TMEM236: variants seen among roughly 807,000 people sequenced by gnomAD.
The protein encoded by TMEM236 is family with sequence similarity 23, member A.
Under a neutral mutation model 14.7 loss-of-function variants are expected in TMEM236, and 11 were observed. The ratio of observed to expected loss-of-function variants is 0.75; its 90% CI spans 0.47 to 1.24. TMEM236 has a LOEUF of 1.24. TMEM236 is among the 50% of genes most tolerant of loss of function. The probability of loss-of-function intolerance (pLI) is 0.00; values close to 1 mark genes in which losing one functional copy is unlikely to be tolerated. For missense variants in TMEM236, 464 were observed against 427.3 expected (o/e 1.09, Z -0.76); for synonymous variants, 182 against 168.6 (o/e 1.08, Z -0.62).
At chr10:17,789,736 G>T (rs1837892265) in intron 3 of TMEM236, among the ~76,000 whole-genome samples, 2 of 151,866 alleles carry the variant, frequency 1.3e-5, no homozygotes, top group African/African-American at 4.8e-5. Flanking sequence ...TAAAAAATGA[G>T]CCAGGGCCGG....
rs1838040634 is a variant in TMEM236 at position 17,797,794 on chromosome 10, T to A, written c.*1290T>A. ...TACTGAAGTACTAATATGAGTGTTG[T>A]TTAGTATAATGAAGTCAAGGTACAT... On this transcript the variant is annotated 3_prime_UTR_variant, in exon 4 of 4. Coordinates refer to ENST00000377495, the MANE Select transcript of TMEM236 (RefSeq NM_001098844.3). 6.6e-6 allele frequency: 1 copy of A among 152,180 alleles called. No individual in the cohort carries two copies. Among genetic ancestry groups the A allele is most frequent in the South Asian group, 2.1e-4 (1 of 4,830 alleles). The allele number at this position is 152,180 out of a possible 1,614,324, so 9.4% of individuals were successfully genotyped here. A position where few individuals can be genotyped will look rare whatever the true frequency, so the allele number is the denominator to read the frequency against.
rs1838082067 is a variant in TMEM236 at position 17,800,801 on chromosome 10, G to C, written c.*4297G>C. 6.6e-6 allele frequency: 1 copy of C among 152,168 alleles called. No individual in the cohort carries two copies. Among genetic ancestry groups the C allele is most frequent in the African/African-American group, 2.4e-5 (1 of 41,440 alleles). The allele number at this position is 152,168 out of a possible 1,614,324, so 9.4% of individuals were successfully genotyped here. On this transcript the variant is annotated 3_prime_UTR_variant, in exon 4 of 4. Coordinates refer to ENST00000377495, the MANE Select transcript of TMEM236 (RefSeq NM_001098844.3). The stretch of plus-strand genomic sequence containing the variant: ...AATAATAGAAGAAAAAAATGAAATG[G>C]CTAAAGACATTTTGTTTTACAATGG...
chr10:17,795,808 A>T, intron 3 of TMEM236, 113 bp from the exon 4 acceptor site: 2 of 1,133,584 alleles, frequency 1.8e-6, no homozygotes, highest in Non-Finnish European at 2.5e-6. Context: ...TAAGTGAAAA[A>T]CAAAAGAATA....
intron 3 of TMEM236, among the ~76,000 whole-genome samples, chr10:17,791,987 C>T (rs1206499737): frequency 6.6e-6 from 1 of 152,182 alleles, no homozygotes; most frequent in Non-Finnish European, 1.5e-5. Flanking sequence ...TCATTACAGG[C>T]AGTTGGGAGT....
At chr10:17,795,169 G>C (rs1837990716) in intron 3 of TMEM236, among the ~76,000 whole-genome samples, 2 of 152,162 alleles carry the variant, frequency 1.3e-5, no homozygotes, top group Admixed American at 6.5e-5. Flanking sequence ...GACAAAGTTG[G>C]ATTGGGGGAC....
At chr10:17,786,574 C>A (rs1049951355) in intron 3 of TMEM236, among the ~76,000 whole-genome samples, 1 of 152,180 alleles carries the variant, frequency 6.6e-6, no homozygotes, top group Non-Finnish European at 1.5e-5. Context: ...ATAGTAAGGT[C>A]CTATCTAGAA....
chr10:17,752,430 A>G lies in TMEM236; in HGVS notation c.135A>G (p.Thr45=). ...YQGTRARSDN[T]HYWLIISCSI... ...GAACAAGGGCTAGATCTGACAACAC[A>G]CACTACTGGCTGATCATCTCCTGTT... is the stretch of plus-strand genomic sequence containing the variant. Residue 45 remains threonine, a synonymous_variant, in exon 1 of 4, where the codon ACA becomes ACG. Coordinates refer to ENST00000377495, the MANE Select transcript of TMEM236 (RefSeq NM_001098844.3). 6.2e-7 allele frequency: 1 copy of G among 1,613,956 alleles called. No individual in the cohort carries two copies. The highest frequency in any genetic ancestry group is 8.5e-7 in the Non-Finnish European group (1 of 1,179,862).
Position 17,757,010 on chromosome 10 carries a change from C to T in TMEM236, c.257+4458C>T, listed in dbSNP as rs966745351. On this transcript the variant is annotated intron_variant, in intron 1 of 3. Transcript: ENST00000377495. ...TTCCAGTCTTTAGTTTCTGTTTTGC[C>T]GGTGTTGCTGGCCACACGTGTTTTA... Among the ~76,000 whole-genome samples, 1,296 of 152,244 alleles carry T rather than the reference C, an allele frequency of 8.5e-3. 4 individuals are homozygous for T. The highest frequency in any genetic ancestry group is 0.013 in the Non-Finnish European group (909 of 68,024).
Position 17,796,377 on chromosome 10 carries a change from T to A in TMEM236, c.929T>A (p.Ile310Asn). Reference protein sequence around the residue: ...PFVFVRLGLIIALGTITPVLG... With the variant: ...PFVFVRLGLINALGTITPVLG... ...GTTTTTGTTAGACTTGGTTTAATCA[T>A]TGCCCTGGGGACTATCACACCCGTA... Residue 310 changes from isoleucine (I) to asparagine (N), a missense_variant, in exon 4 of 4, where the codon ATT becomes AAT. Coordinates refer to ENST00000377495, the MANE Select transcript of TMEM236 (RefSeq NM_001098844.3). The A allele has an allele frequency of 6.2e-7, 1 of 1,613,958 alleles. No homozygotes were observed. Among genetic ancestry groups the A allele is most frequent in the Admixed American group, 1.7e-5 (1 of 60,008 alleles).
At chr10:17,790,224 C>A (rs1837904962) in intron 3 of TMEM236, among the ~76,000 whole-genome samples, 1 of 151,896 alleles carries the variant, frequency 6.6e-6, no homozygotes, top group African/African-American at 2.4e-5. Context: ...AAGACGCAGT[C>A]TCAAAAATAA....
chr10:17,753,701 A>G (rs1224094315), intron 1 of TMEM236, among the ~76,000 whole-genome samples: 2 of 152,234 alleles, frequency 1.3e-5, no homozygotes, highest in Non-Finnish European at 2.9e-5. Context: ...TAGTACTGCA[A>G]CGAACATACG....
At chr10:17,780,225 G>A (rs1458280620) in intron 3 of TMEM236, among the ~76,000 whole-genome samples, 1 of 152,084 alleles carries the variant, frequency 6.6e-6, no homozygotes, top group Non-Finnish European at 1.5e-5. Context: ...CTCCATGGGG[G>A]TCTCATAGAT....
chr10:17,754,924 T>TTTTTTTTATTTA (rs1554833612), intron 1 of TMEM236, among the ~76,000 whole-genome samples: 13 of 146,774 alleles, frequency 8.9e-5, no homozygotes, highest in African/African-American at 2.3e-4. Context: ...CATACTGATG[T>TTTTTTTTATTTA]TTTATTTATT....
At chr10:17,759,046 T>TA (rs1404333705) in intron 1 of TMEM236, among the ~76,000 whole-genome samples, 1 of 152,216 alleles carries the variant, frequency 6.6e-6, no homozygotes, top group Non-Finnish European at 1.5e-5. Flanking sequence ...GGCTGAACTT[T>TA]AATCCAGTAC....
chr10:17,795,372 G>C (rs1431289699), intron 3 of TMEM236, among the ~76,000 whole-genome samples: 1 of 152,136 alleles, frequency 6.6e-6, no homozygotes, highest in South Asian at 2.1e-4. Context: ...TCTCAAGCCC[G>C]TTTCCATAGT....
intron 3 of TMEM236, among the ~76,000 whole-genome samples, 163 bp from the exon 4 acceptor site, chr10:17,795,758 G>T (rs900514610): frequency 3.9e-5 from 6 of 152,200 alleles, no homozygotes; most frequent in Admixed American, 3.9e-4. Context: ...TGCATGTCCT[G>T]CACATGTATC....
intron 3 of TMEM236, among the ~76,000 whole-genome samples, chr10:17,788,706 C>T (rs1192409508): frequency 6.6e-6 from 1 of 151,700 alleles, no homozygotes; most frequent in Admixed American, 6.6e-5. Context: ...AGAAATGATA[C>T]ATTTATTTAT....
chr10:17,775,989 C>A, intron 2 of TMEM236, 40 bp from the exon 3 acceptor site: 1 of 1,612,154 alleles, frequency 6.2e-7, no homozygotes, highest in African/African-American at 1.3e-5. Context: ...GCAAAGAAAG[C>A]ACAATAATTT....
At chr10:17,771,690 T>G (rs1448867020) in intron 2 of TMEM236, among the ~76,000 whole-genome samples, 1 of 152,254 alleles carries the variant, frequency 6.6e-6, no homozygotes, top group African/African-American at 2.4e-5. Flanking sequence ...ACCAACCTGA[T>G]GTTTTTCATG....
Sources: allele counts gnomAD v4.1 joint callset (sites outside exome capture counted in the v4.1 genomes callset), GRCh38; gene constraint gnomAD v4.1.1; transcripts MANE v1.5; gene names NCBI Gene and HGNC (gene_info 2026-07-23, HGNC 2026-07-21).